The following HTRA3 variants were observed in gnomAD, a reference collection of about 807,000 sequenced individuals.
HTRA3 encodes the protein serine protease HTRA3.
In HTRA3, 41 loss-of-function variants were observed where a neutral mutation model predicts 43.2. The observed-to-expected ratio is 0.95, with a 90% CI of 0.74 to 1.23. The LOEUF is 1.23. HTRA3 is among the 50% of genes most tolerant of loss of function. The pLI is 0.00. For synonymous variants in HTRA3, 295 were observed against 287.9 expected, an observed-to-expected ratio of 1.02 and a Z score of -0.25; for missense variants, 628 against 647.1, an observed-to-expected ratio of 0.97 and a Z score of 0.32.
chr4:8,295,555 G>A lies in HTRA3; in HGVS notation c.1051+1354G>A, dbSNP rs1713424549. The A allele has an allele frequency of 2.0e-6, 1 of 512,220 alleles. No individual in the cohort carries two copies. The highest frequency in any genetic ancestry group is 3.1e-6 in the Non-Finnish European group (1 of 322,974). 31.7% of individuals were successfully genotyped at this position (512,220 alleles called of 1,614,324 possible). On this transcript the variant is annotated intron_variant, in intron 6 of 8. Transcript: ENST00000307358. The surrounding 1 kb of genome is among the most constrained non-coding windows in gnomAD (Gnocchi z 6.9). ...TCCAATCGCAGGGCCTTTCCTGGGG[G>A]CCTCTCCCTCCCCACCTTCTCTTCA... is the stretch of plus-strand genomic sequence containing the variant.
Position 8,286,915 on chromosome 4 carries a change from G to A in HTRA3, c.708+132G>A, listed in dbSNP as rs1012248619. ...GGGGGAGGAAACTGGGCCCAGGGAG[G>A]ACTGGCAGCTGGCCCAGGGTCACGG... On this transcript the variant is annotated intron_variant, in intron 3 of 8. Coordinates refer to ENST00000307358, the MANE Select transcript of HTRA3 (RefSeq NM_053044.5). This position sits in a 1 kb window ranked among gnomAD's most constrained non-coding sequence, Gnocchi z 4.9. 4 of 688,396 alleles carry A rather than the reference G, an allele frequency of 5.8e-6. No homozygotes were observed. Among genetic ancestry groups the A allele is most frequent in the Non-Finnish European group, 7.4e-6 (3 of 404,904 alleles). 42.6% of individuals were successfully genotyped at this position (688,396 alleles called of 1,614,324 possible).
chr4:8,303,149 G>T (rs1713722397), intron 7 of HTRA3, among the ~76,000 whole-genome samples: 1 of 152,224 alleles, frequency 6.6e-6, no homozygotes, highest in South Asian at 2.1e-4. Context: ...ACACGAATTT[G>T]GGGGAACACC....
intron 8 of HTRA3, among the ~76,000 whole-genome samples, chr4:8,304,712 G>T: frequency 7.5e-6 from 1 of 132,766 alleles, no homozygotes; most frequent in African/African-American, 3.0e-5. Context: ...CTGGAGTGCA[G>T]TGTCGCGATC....
In HTRA3 at chr4:8,305,026, A is replaced by C. The variant is rs189743165; in HGVS notation, c.1196+747A>C. Among the ~76,000 whole-genome samples the C allele has an allele frequency of 9.8e-5, 15 of 152,306 alleles. No homozygotes were observed. In the East Asian group the frequency reaches 2.9e-3, roughly 29 times the overall value. On this transcript the variant is annotated intron_variant, in intron 8 of 8. Coordinates refer to ENST00000307358, the MANE Select transcript of HTRA3 (RefSeq NM_053044.5). ...GAGAAATGTTAAGCATTGCAACACC[A>C]TAGGCTGAGGCAGGCGTGCAGCGAC... is the stretch of plus-strand genomic sequence containing the variant.
chr4:8,279,762 G>T lies in HTRA3; in HGVS notation c.386-2675G>T, dbSNP rs942779082. Among the ~76,000 whole-genome samples, 6 of 152,164 alleles carry T rather than the reference G, an allele frequency of 3.9e-5. No individual in the cohort carries two copies. Among genetic ancestry groups the T allele is most frequent in the African/African-American group, 1.4e-4 (6 of 41,446 alleles). Reference sequence around the variant, plus strand: ...GGGCTCAGCCTGTGGCTTTCCATGTGCTGTGCCCCTGCCCGTGGGCTCTTC... The same window carrying T: ...GGGCTCAGCCTGTGGCTTTCCATGTTCTGTGCCCCTGCCCGTGGGCTCTTC... On this transcript the variant is annotated intron_variant, in intron 1 of 8. Transcript: ENST00000307358. The surrounding 1 kb of genome is among the most constrained non-coding windows in gnomAD (Gnocchi z 7.4).
chr4:8,302,654 C>T (rs1713703376), intron 7 of HTRA3, 143 bp downstream of exon 7: 1 of 742,732 alleles, frequency 1.3e-6, no homozygotes, highest in Non-Finnish European at 2.4e-6. Flanking sequence ...GACCGTTGCT[C>T]AGGCCAGTCC....
rs773187020 is a variant in HTRA3 at position 8,302,485 on chromosome 4, C to T, written c.1074C>T (p.Gly358=). 6.2e-7 allele frequency: 1 copy of T among 1,614,140 alleles called. No homozygotes were observed. The highest frequency in any genetic ancestry group is 1.7e-5 in the Admixed American group (1 of 60,032). ...QIKDWKKRFI[G]IRMRTITPSL... ...CAGACTGGAAGAAGCGCTTCATCGG[C>T]ATACGGATGCGGACGATCACACCAA... Residue 358 remains glycine (G), a synonymous_variant, in exon 7 of 9, where the codon GGC becomes GGT. Transcript: ENST00000307358.
intron 2 of HTRA3, among the ~76,000 whole-genome samples, chr4:8,284,239 C>T (rs1195232927): frequency 3.3e-5 from 5 of 152,198 alleles, no homozygotes; most frequent in African/African-American, 7.2e-5. Flanking sequence ...GCCCTTCCCT[C>T]GAGCCCCGGG....
chr4:8,303,483 A>G (rs1199953513), intron 7 of HTRA3, among the ~76,000 whole-genome samples: 1 of 152,202 alleles, frequency 6.6e-6, no homozygotes, highest in Non-Finnish European at 1.5e-5. Flanking sequence ...TTGAGCTTCG[A>G]GGTTTGAAGA....
chr4:8,285,189 G>T (rs4696791), intron 2 of HTRA3, among the ~76,000 whole-genome samples: 92,601 of 152,026 alleles, frequency 0.61, 28,799 homozygotes, highest in East Asian at 0.83. Context: ...CGTAACTTCA[G>T]GACACCTGCA....
At position 8,297,033 on chromosome 4, in the gene HTRA3, C is replaced by T. The variant is rs1203176207; in HGVS notation, c.1051+2832C>T. Among the ~76,000 whole-genome samples, 1 of 152,078 alleles carries T rather than the reference C, an allele frequency of 6.6e-6. No homozygotes were observed. Among genetic ancestry groups the T allele is most frequent in the Admixed American group, 6.5e-5 (1 of 15,272 alleles). ...CTCAGAGTTCACAGGGTTCCCCAGCCTCAGAGGTCACAGGGTCCCTTGGTC... is the reference window on the plus strand; with the variant it reads ...CTCAGAGTTCACAGGGTTCCCCAGCTTCAGAGGTCACAGGGTCCCTTGGTC... On this transcript the variant is annotated intron_variant, in intron 6 of 8. Coordinates refer to ENST00000307358, the MANE Select transcript of HTRA3 (RefSeq NM_053044.5). This position sits in a 1 kb window ranked among gnomAD's most constrained non-coding sequence, Gnocchi z 5.8.
rs886517558 is a variant in HTRA3 at position 8,281,332 on chromosome 4, C to T, written c.386-1105C>T. 5.3e-4 allele frequency among the ~76,000 whole-genome samples: 80 copies of T among 152,152 alleles called. 4 individuals carry two copies. The highest frequency in any genetic ancestry group is 5.9e-5 in the Non-Finnish European group (4 of 68,010). On this transcript the variant is annotated intron_variant, in intron 1 of 8. Coordinates refer to ENST00000307358, the MANE Select transcript of HTRA3 (RefSeq NM_053044.5). The stretch of plus-strand genomic sequence containing the variant: ...TGGGCTGCAAAGCTGGAAAGCTGGA[C>T]GTTATGGACTGAGCCCTCTTTGCTC...
Position 8,270,266 on chromosome 4 carries a change from G to GC in HTRA3, c.298_299insC (p.Val100AlafsTer46). 1 of 1,504,738 alleles carries GC rather than the reference G, an allele frequency of 6.6e-7. No individual in the cohort carries two copies. The highest frequency in any genetic ancestry group is 8.8e-7 in the Non-Finnish European group (1 of 1,134,506). The allele number at this position is 1,504,738 out of a possible 1,614,324, so 93.2% of individuals were successfully genotyped here. On this transcript the variant is annotated frameshift_variant, in exon 1 of 9. Coordinates refer to ENST00000307358, the MANE Select transcript of HTRA3 (RefSeq NM_053044.5). LOFTEE classifies it high-confidence loss of function. Reference sequence around the variant, plus strand: ...CACCGACGGGCACACCTATGCCAACGTGTGCGCGCTGCAGGCGGCCAGCCG... The same window carrying GC: ...CACCGACGGGCACACCTATGCCAACGCTGTGCGCGCTGCAGGCGGCCAGCCG...
intron 1 of HTRA3, among the ~76,000 whole-genome samples, chr4:8,280,671 G>A (rs1041235496): frequency 1.3e-5 from 2 of 152,012 alleles, no homozygotes; most frequent in African/African-American, 4.8e-5. Flanking sequence ...GTTTGTTAAT[G>A]TGACCTCTGA....
rs201209476 is a variant in HTRA3, at chr4:8,282,397, G to A, written c.386-40G>A. The A allele has an allele frequency of 4.2e-5, 62 of 1,487,994 alleles. No individual in the cohort carries two copies. In the East Asian group the frequency reaches 9.1e-4, roughly 22 times the overall value. 92.2% of individuals were successfully genotyped at this position (1,487,994 alleles called of 1,614,324 possible). A position where few individuals can be genotyped will look rare whatever the true frequency, so the allele number is the denominator to read the frequency against. Reference sequence around the variant, plus strand: ...TAGGCCTCTGGGAGCTGGCAGCATCGTGATCTCACTGATGCACCTGGCCCT... The same window carrying A: ...TAGGCCTCTGGGAGCTGGCAGCATCATGATCTCACTGATGCACCTGGCCCT... On this transcript the variant is annotated intron_variant, in intron 1 of 8. Transcript: ENST00000307358.
intron 8 of HTRA3, among the ~76,000 whole-genome samples, chr4:8,305,243 C>A (rs945286805): frequency 2.6e-5 from 4 of 152,358 alleles, no homozygotes; most frequent in Admixed American, 6.5e-5. Context: ...AGGTGGGAGG[C>A]CCCGCGTGAA....
intron 2 of HTRA3, among the ~76,000 whole-genome samples, chr4:8,282,859 G>C (rs1302228284): frequency 2.0e-5 from 3 of 152,256 alleles, no homozygotes; most frequent in African/African-American, 7.2e-5. Context: ...CAGTAAAGCA[G>C]ACACAGACAG....
chr4:8,295,813 G>T lies in HTRA3; in HGVS notation c.1051+1612G>T, dbSNP rs1713433308. On this transcript the variant is annotated intron_variant, in intron 6 of 8. Coordinates refer to ENST00000307358, the MANE Select transcript of HTRA3 (RefSeq NM_053044.5). The surrounding 1 kb of genome is among the most constrained non-coding windows in gnomAD (Gnocchi z 6.9). ...GCCAAGGCTGGTGCCATGAGGGCTGGTCACATGAAGAGCTGCTGTTGAGGA... is the reference window on the plus strand; with the variant it reads ...GCCAAGGCTGGTGCCATGAGGGCTGTTCACATGAAGAGCTGCTGTTGAGGA... 5 of 1,248,620 alleles carry T rather than the reference G, an allele frequency of 4.0e-6. No homozygotes were observed. The highest frequency in any genetic ancestry group is 5.0e-6 in the Non-Finnish European group (5 of 994,894). The allele number at this position is 1,248,620 out of a possible 1,614,324, so 77.3% of individuals were successfully genotyped here.
At chr4:8,273,737 C>T (rs1225860167) in intron 1 of HTRA3, among the ~76,000 whole-genome samples, 1 of 152,108 alleles carries the variant, frequency 6.6e-6, no homozygotes, top group African/African-American at 2.4e-5. Flanking sequence ...TCCCTCCGCC[C>T]CTCATTCCCC....
Sources: gnomAD v4.1 joint callset for allele counts (sites outside exome capture counted in the v4.1 genomes callset) on GRCh38, gnomAD v4.1.1 for gene constraint, Gnocchi (gnomAD v3.1) non-coding constraint, MANE v1.5 for transcripts, NCBI Gene and HGNC (gene_info 2026-07-23, HGNC 2026-07-21) for gene names.